The following SEPTIN2 variants were observed in gnomAD, a reference collection of about 807,000 sequenced individuals.
SEPTIN2 encodes septin 2, also known as septin-2.
SEPTIN2 carries 34 observed loss-of-function variants against 46.5 expected under a neutral mutation model. That is an observed-to-expected ratio of 0.73 (90% CI 0.56 to 0.97). The LOEUF (loss-of-function observed/expected upper bound fraction) is 0.97, where lower values mean the gene tolerates loss of function less well. Ranked by LOEUF, SEPTIN2 falls within the 50% of genes least tolerant of loss-of-function variation. The pLI is 0.00. For missense variants in SEPTIN2, 347 were observed against 448.4 expected (o/e 0.77, Z 2.04); for synonymous variants, 175 against 153.4 (o/e 1.14, Z -1.04).
intron 7 of SEPTIN2, among the ~76,000 whole-genome samples, chr2:241,340,286 C>T (rs1026025448): frequency 1.3e-5 from 2 of 152,164 alleles, no homozygotes; most frequent in Admixed American, 6.5e-5. Flanking sequence ...GGTGTATTCT[C>T]TCAGGTTGCA....
At position 241,353,170 on chromosome 2, in the gene SEPTIN2, A is replaced by T. The variant is rs1312371819; in HGVS notation, c.*1233A>T. The T allele has an allele frequency of 6.6e-6, 1 of 152,146 alleles. No homozygotes were observed. The highest frequency in any genetic ancestry group is 1.5e-5 in the Non-Finnish European group (1 of 68,024). The allele number at this position is 152,146 out of a possible 1,614,324, so 9.4% of individuals were successfully genotyped here. A position where few individuals can be genotyped will look rare whatever the true frequency, so the allele number is the denominator to read the frequency against. On this transcript the variant is annotated 3_prime_UTR_variant, in exon 13 of 13. Coordinates refer to ENST00000391971, the MANE Select transcript of SEPTIN2 (RefSeq NM_004404.5). ...ATTTTTAGCCATTGTCGTTTCATTCATTTTGTGTAATATAAACCGTGTGTC... is the reference window on the plus strand; with the variant it reads ...ATTTTTAGCCATTGTCGTTTCATTCTTTTTGTGTAATATAAACCGTGTGTC...
At chr2:241,327,408 A>T (rs559239755) in intron 3 of SEPTIN2, among the ~76,000 whole-genome samples, 12 of 151,952 alleles carry the variant, frequency 7.9e-5, no homozygotes, top group Non-Finnish European at 1.5e-4. Flanking sequence ...AGTAAGGGAA[A>T]AGCTGGAAAA....
intron 3 of SEPTIN2, 82 bp downstream of exon 3, chr2:241,326,195 TAAAG>T (rs1243490608): frequency 6.0e-6 from 8 of 1,325,790 alleles, no homozygotes; most frequent in Non-Finnish European, 4.0e-6. Flanking sequence ...ACGTGACCTA[TAAAG>T]AAAGAGGAAA....
At position 241,343,840 on chromosome 2, in the gene SEPTIN2, T is replaced by C. The variant is rs2081599850; in HGVS notation, c.785T>C (p.Val262Ala). 1 of 1,614,162 alleles carries C rather than the reference T, an allele frequency of 6.2e-7. No individual in the cohort carries two copies. Among genetic ancestry groups the C allele is most frequent in the Non-Finnish European group, 8.5e-7 (1 of 1,180,014 alleles). Residue 262 changes from valine to alanine, a missense_variant, in exon 9 of 13, where the codon GTT becomes GCT. Transcript: ENST00000391971. ...KVRGRLYPWG[V>A]VEVENPEHND... ...AGAGGCCGCCTCTACCCCTGGGGTGTTGTGGAAGTGGAGAACCCAGAGCAC... is the reference window on the plus strand; with the variant it reads ...AGAGGCCGCCTCTACCCCTGGGGTGCTGTGGAAGTGGAGAACCCAGAGCAC...
At chr2:241,335,268 C>T (rs905731880) in intron 4 of SEPTIN2, 56 bp downstream of exon 4, 1 of 1,591,382 alleles carries the variant, frequency 6.3e-7, no homozygotes, top group African/African-American at 1.3e-5. Flanking sequence ...ATGCTGAAGA[C>T]TGCCTAATTA....
chr2:241,341,929 A>G (rs2081303337), intron 7 of SEPTIN2, among the ~76,000 whole-genome samples: 1 of 152,140 alleles, frequency 6.6e-6, no homozygotes, highest in African/African-American at 2.4e-5. Context: ...TAGGGTTTTA[A>G]TTGATTGACT....
chr2:241,319,245 G>T (rs1055107793), intron 1 of SEPTIN2, among the ~76,000 whole-genome samples: 1 of 152,132 alleles, frequency 6.6e-6, no homozygotes, highest in African/African-American at 2.4e-5. Flanking sequence ...ATTTTTAGGA[G>T]CCCTTATTTT....
intron 3 of SEPTIN2, among the ~76,000 whole-genome samples, chr2:241,334,007 C>T (rs1012754041): frequency 4.6e-5 from 7 of 151,832 alleles, no homozygotes; most frequent in Non-Finnish European, 1.0e-4. Flanking sequence ...CAAGCCACAA[C>T]ACCTGGCTAA....
At chr2:241,323,221 A>G (rs540567659) in intron 1 of SEPTIN2, among the ~76,000 whole-genome samples, 1 of 150,368 alleles carries the variant, frequency 6.7e-6, no homozygotes, top group East Asian at 2.0e-4. Context: ...CCCAGGTTGG[A>G]GTGCAGTGGC....
rs553174814 is a variant in SEPTIN2, at chr2:241,347,084, G to T, written c.926+835G>T. 7.9e-5 allele frequency among the ~76,000 whole-genome samples: 12 copies of T among 152,160 alleles called. No homozygotes were observed. In the East Asian group the frequency reaches 2.3e-3, roughly 29 times the overall value. ...GGCCCTGGCAACATAGGGAGACCTC[G>T]CCTCTATAAAAATTTTTTTTAAATT... On this transcript the variant is annotated intron_variant, in intron 10 of 12. Coordinates refer to ENST00000391971, the MANE Select transcript of SEPTIN2 (RefSeq NM_004404.5).
At position 241,348,075 on chromosome 2, in the gene SEPTIN2, G is replaced by A. The variant is rs200573013; in HGVS notation, c.927-59G>A. 2.5e-3 allele frequency: 3,388 copies of A among 1,340,674 alleles called. 10 individuals carry two copies. The highest frequency in any genetic ancestry group is 3.2e-3 in the Non-Finnish European group (3,020 of 952,904). 83.0% of individuals were successfully genotyped at this position (1,340,674 alleles called of 1,614,324 possible). On this transcript the variant is annotated intron_variant, in intron 10 of 12. Coordinates refer to ENST00000391971, the MANE Select transcript of SEPTIN2 (RefSeq NM_004404.5). ...TAAATTTTAAAGTAGAATTTTTTGG[G>A]GGGGTAGCAAATAACTATTTGTTGC...
intron 7 of SEPTIN2, among the ~76,000 whole-genome samples, chr2:241,338,976 A>G (rs1278830721): frequency 1.1e-3 from 125 of 110,524 alleles, no homozygotes; most frequent in African/African-American, 3.5e-3. Flanking sequence ...TAAATATAAT[A>G]TATAAATATA....
intron 9 of SEPTIN2, 50 bp downstream of exon 9, chr2:241,343,947 G>A (rs555935091): frequency 6.2e-7 from 1 of 1,606,464 alleles, no homozygotes; most frequent in South Asian, 1.1e-5. Context: ...TGAAGAATAT[G>A]GATTTCAGAC....
chr2:241,341,809 C>T (rs2081291218), intron 7 of SEPTIN2, among the ~76,000 whole-genome samples: 1 of 152,208 alleles, frequency 6.6e-6, no homozygotes, highest in African/African-American at 2.4e-5. Context: ...GCTCACGTTG[C>T]TCTTGTTCTC....
intron 7 of SEPTIN2, among the ~76,000 whole-genome samples, chr2:241,340,897 G>T (rs1401358824): frequency 2.0e-5 from 3 of 152,132 alleles, no homozygotes; most frequent in African/African-American, 7.2e-5. Flanking sequence ...CTTCTAGTCA[G>T]ACACTTACTG....
intron 1 of SEPTIN2, among the ~76,000 whole-genome samples, chr2:241,323,240 G>A (rs1182650330): frequency 1.3e-5 from 2 of 151,252 alleles, no homozygotes; most frequent in South Asian, 4.2e-4. Flanking sequence ...GCATGATCTC[G>A]GCTCACTGCA....
chr2:241,348,573 C>T (rs542889245), intron 11 of SEPTIN2, among the ~76,000 whole-genome samples: 8 of 151,990 alleles, frequency 5.3e-5, no homozygotes, highest in African/African-American at 9.7e-5. Context: ...TGTTTACATC[C>T]GTAGATATCA....
At chr2:241,346,310 C>T in intron 10 of SEPTIN2, 61 bp downstream of exon 10, 1 of 1,329,458 alleles carries the variant, frequency 7.5e-7, no homozygotes, top group Non-Finnish European at 1.1e-6. Context: ...GTTCCTCCTC[C>T]TCTATGTGTT....
intron 7 of SEPTIN2, among the ~76,000 whole-genome samples, chr2:241,338,659 T>G (rs924928406): frequency 3.1e-5 from 4 of 128,728 alleles, no homozygotes; most frequent in African/African-American, 1.2e-4. Flanking sequence ...TACATATATA[T>G]TATATCTATA....
Sources: gnomAD v4.1 joint callset for allele counts (sites outside exome capture counted in the v4.1 genomes callset) on GRCh38, gnomAD v4.1.1 for gene constraint, MANE v1.5 for transcripts, NCBI Gene and HGNC (gene_info 2026-07-23, HGNC 2026-07-21) for gene names.